THSD4: variants seen among roughly 807,000 people sequenced by gnomAD.
THSD4 encodes the protein thrombospondin type-1 domain-containing protein 4.
Under a neutral mutation model 119.0 loss-of-function variants are expected in THSD4, and 69 were observed. The ratio of observed to expected loss-of-function variants is 0.58; its 90% confidence interval spans 0.48 to 0.71. THSD4 has a LOEUF of 0.71. THSD4 is among the 30% of genes least tolerant of loss of function. The pLI is 0.00. For synonymous variants in THSD4, 524 were observed against 540.4 expected (o/e 0.97, Z 0.42); for missense variants, 1,393 against 1,391.1 (o/e 1.00, Z -0.02).
At chr15:71,125,607 G>A (rs1051832239) in intron 1 of THSD4, among the ~76,000 whole-genome samples, 1 of 152,220 alleles carries the variant, frequency 6.6e-6, no homozygotes, top group Non-Finnish European at 1.5e-5. Context: ...TGCTGAGACC[G>A]CGGCTGGCCA....
chr15:71,580,486 G>A (rs941174737), intron 7 of THSD4, among the ~76,000 whole-genome samples: 7 of 152,114 alleles, frequency 4.6e-5, no homozygotes, highest in African/African-American at 1.2e-4. Context: ...GTGTGGGTGT[G>A]TGTGGTGAGA....
At chr15:71,649,467 G>A (rs2051040425) in intron 7 of THSD4, among the ~76,000 whole-genome samples, 1 of 152,048 alleles carries the variant, frequency 6.6e-6, no homozygotes, top group African/African-American at 2.4e-5. Flanking sequence ...AGTAGAGATG[G>A]GGTTTCACCA....
chr15:71,648,061 G>A (rs1334336039), intron 7 of THSD4, among the ~76,000 whole-genome samples: 1 of 152,162 alleles, frequency 6.6e-6, no homozygotes, highest in African/African-American at 2.4e-5. Context: ...AACTAGCAGA[G>A]GAAAAAGATC....
intron 6 of THSD4, among the ~76,000 whole-genome samples, chr15:71,274,463 G>A (rs948724422): frequency 5.9e-5 from 9 of 152,018 alleles, no homozygotes; most frequent in Admixed American, 3.3e-4. Flanking sequence ...TTACACAGGC[G>A]CATGGGCCAC....
chr15:71,444,005 G>A (rs189957959), intron 7 of THSD4, among the ~76,000 whole-genome samples: 117 of 152,328 alleles, frequency 7.7e-4, no homozygotes, highest in Non-Finnish European at 1.4e-3. Flanking sequence ...CAAGGCTGAG[G>A]TGGTCCTTTC....
intron 5 of THSD4, among the ~76,000 whole-genome samples, chr15:71,250,113 G>C (rs1442784): frequency 0.99 from 150,899 of 152,320 alleles, 74,761 homozygotes; most frequent in Middle Eastern, 1. Context: ...CTCGTGTTGG[G>C]CTATAAGTCC....
chr15:71,188,483 C>T (rs966657779), intron 3 of THSD4, among the ~76,000 whole-genome samples: 1 of 152,106 alleles, frequency 6.6e-6, no homozygotes, highest in African/African-American at 2.4e-5. Flanking sequence ...CATAGAGATA[C>T]TGGTGTGAAA....
At chr15:71,172,063 C>T (rs1302162572) in intron 3 of THSD4, 4 of 152,094 alleles carry the variant, frequency 2.6e-5, no homozygotes, top group Non-Finnish European at 4.4e-5. Context: ...ATTCAAATAT[C>T]GCCTGTAATC....
At chr15:71,470,514 A>C (rs1035296911) in intron 7 of THSD4, among the ~76,000 whole-genome samples, 4 of 152,156 alleles carry the variant, frequency 2.6e-5, no homozygotes, top group African/African-American at 4.8e-5. Flanking sequence ...TAATTTTCCT[A>C]ATGGTCTCAT....
intron 7 of THSD4, among the ~76,000 whole-genome samples, chr15:71,537,363 G>GA (rs1327191564): frequency 1.3e-5 from 2 of 152,150 alleles, no homozygotes; most frequent in African/African-American, 4.8e-5. Context: ...TTAAGAGAAA[G>GA]AAAAAATCTC....
At chr15:71,487,670 A>C (rs1418343477) in intron 7 of THSD4, among the ~76,000 whole-genome samples, 2 of 152,244 alleles carry the variant, frequency 1.3e-5, no homozygotes, top group African/African-American at 4.8e-5. Flanking sequence ...ATATAATTCA[A>C]GAATGTTGTT....
intron 2 of THSD4, among the ~76,000 whole-genome samples, chr15:71,149,120 G>C (rs927138271): frequency 2.0e-5 from 3 of 150,326 alleles, no homozygotes; most frequent in Admixed American, 6.7e-5. Flanking sequence ...CTCACTGCAA[G>C]CTCCGCCTCC....
chr15:71,151,308 A>C (rs1444962546), intron 2 of THSD4, among the ~76,000 whole-genome samples: 1 of 152,104 alleles, frequency 6.6e-6, no homozygotes, highest in Non-Finnish European at 1.5e-5. Context: ...ACTGCTCCTT[A>C]CAAATATGTG....
chr15:71,194,573 G>A (rs1317217237), intron 3 of THSD4, among the ~76,000 whole-genome samples: 3 of 152,146 alleles, frequency 2.0e-5, no homozygotes, highest in East Asian at 1.9e-4. Flanking sequence ...CGGTTCCTAC[G>A]TGTCACTCAT....
chr15:71,590,133 G>A (rs12905802), intron 7 of THSD4, among the ~76,000 whole-genome samples: 30,992 of 137,842 alleles, frequency 0.22, 8,569 homozygotes, highest in Non-Finnish European at 0.3. Context: ...AGGGAAGGAC[G>A]TTCAGTCATA....
At chr15:71,199,454 G>C (rs28716801) in intron 3 of THSD4, among the ~76,000 whole-genome samples, 1 of 143,032 alleles carries the variant, frequency 7.0e-6, no homozygotes, top group Non-Finnish European at 1.5e-5. Flanking sequence ...TGTGTGTGTG[G>C]GGGGGGGTGT....
At chr15:71,255,726 AC>A (rs779858261) in intron 5 of THSD4, among the ~76,000 whole-genome samples, 7 of 152,206 alleles carry the variant, frequency 4.6e-5, no homozygotes, top group Non-Finnish European at 8.8e-5. Flanking sequence ...CCCACACCTC[AC>A]TGGCTGTGTG....
At chr15:71,593,543 A>G (rs1437782481) in intron 7 of THSD4, among the ~76,000 whole-genome samples, 1 of 151,896 alleles carries the variant, frequency 6.6e-6, no homozygotes, top group East Asian at 1.9e-4. Context: ...GTGACAAGGC[A>G]GGATGACAGT....
chr15:71,244,695 G>T lies in THSD4; in HGVS notation c.912+1599G>T, dbSNP rs536200013. The stretch of plus-strand genomic sequence containing the variant: ...ATCTACCTCCTAGCATTGCTTTGAG[G>T]ATCAAATGAGGGATGGTAGGAAAGT... On this transcript the variant is annotated intron_variant, in intron 5 of 17. Coordinates refer to ENST00000261862, the MANE Select transcript of THSD4 (RefSeq NM_024817.3). Among the ~76,000 whole-genome samples, 4 of 152,326 alleles carry T rather than the reference G, an allele frequency of 2.6e-5. No homozygotes were observed. The South Asian group carries it at 8.3e-4, about 32-fold the overall frequency.
Sources: allele counts gnomAD v4.1 joint callset (sites outside exome capture counted in the v4.1 genomes callset), GRCh38; gene constraint gnomAD v4.1.1; transcripts MANE v1.5; gene names NCBI Gene and HGNC (gene_info 2026-07-23, HGNC 2026-07-21).